The following CDH12 variants were observed in gnomAD, a reference collection of about 807,000 sequenced individuals.
The protein encoded by CDH12 is cadherin-12.
A neutral mutation model predicts 74.1 loss-of-function variants in CDH12; 41 were observed. That is an observed-to-expected ratio of 0.55 (90% CI 0.43 to 0.72). The LOEUF (loss-of-function observed/expected upper bound fraction) is 0.72. Ranked by LOEUF, CDH12 falls within the 30% of genes least tolerant of loss-of-function variation. The pLI is 0.00. For synonymous variants in CDH12, 399 were observed against 355.0 expected (o/e 1.12, Z -1.39); for missense variants, 945 against 977.2 (o/e 0.97, Z 0.44).
intron 3 of CDH12, among the ~76,000 whole-genome samples, chr5:22,324,612 T>C (rs981822491): frequency 1.3e-5 from 2 of 151,662 alleles, no homozygotes; most frequent in Non-Finnish European, 2.9e-5. Context: ...TATTTTATTA[T>C]TTTATAAAAT....
At chr5:22,345,412 TCTAAA>T (rs1288861504) in intron 3 of CDH12, among the ~76,000 whole-genome samples, 1 of 152,200 alleles carries the variant, frequency 6.6e-6, no homozygotes, top group African/African-American at 2.4e-5. Context: ...TATGCATTGT[TCTAAA>T]CTAAATAATT....
chr5:22,805,889 A>C (rs996454613), intron 1 of CDH12, among the ~76,000 whole-genome samples: 6 of 151,814 alleles, frequency 4.0e-5, no homozygotes, highest in African/African-American at 1.5e-4. Context: ...ACTCCCATTT[A>C]TGAGTGAGAA....
intron 1 of CDH12, among the ~76,000 whole-genome samples, chr5:22,752,017 T>C (rs1402874664): frequency 1.3e-5 from 2 of 152,296 alleles, no homozygotes; most frequent in African/African-American, 2.4e-5. Flanking sequence ...AGATGCCGTA[T>C]AGTTTAATTG....
intron 1 of CDH12, among the ~76,000 whole-genome samples, chr5:22,844,644 G>A (rs1737220688): frequency 6.6e-6 from 1 of 152,092 alleles, no homozygotes; most frequent in African/African-American, 2.4e-5. Context: ...GTGCATATGT[G>A]TCAAGTTCAA....
intron 5 of CDH12, among the ~76,000 whole-genome samples, chr5:22,048,821 G>A (rs1740145287): frequency 6.6e-6 from 1 of 151,964 alleles, no homozygotes; most frequent in Non-Finnish European, 1.5e-5. Context: ...TGCAGACAGA[G>A]TTAGTAATAA....
intron 1 of CDH12, among the ~76,000 whole-genome samples, chr5:22,548,683 C>T (rs1401799786): frequency 6.6e-6 from 1 of 151,964 alleles, no homozygotes; most frequent in Non-Finnish European, 1.5e-5. Flanking sequence ...ATCCGACCCA[C>T]CTATGGGATA....
intron 5 of CDH12, among the ~76,000 whole-genome samples, chr5:21,990,973 A>C (rs1757719892): frequency 6.6e-6 from 1 of 151,954 alleles, no homozygotes; most frequent in South Asian, 2.1e-4. Context: ...GAGAGAAAAA[A>C]ACCAAAAAAG....
At chr5:21,878,530 A>G (rs1752055490) in intron 6 of CDH12, among the ~76,000 whole-genome samples, 1 of 148,108 alleles carries the variant, frequency 6.8e-6, no homozygotes, top group Admixed American at 6.9e-5. Flanking sequence ...GGAGTTGCAG[A>G]CCAGCCAGGG....
At chr5:22,579,983 T>C (rs892046661) in intron 1 of CDH12, among the ~76,000 whole-genome samples, 3 of 152,184 alleles carry the variant, frequency 2.0e-5, no homozygotes, top group Non-Finnish European at 4.4e-5. Context: ...CTACATGCTC[T>C]GGCCTCAAAG....
intron 4 of CDH12, among the ~76,000 whole-genome samples, chr5:22,176,798 C>G (rs1403729757): frequency 1.3e-5 from 2 of 152,074 alleles, no homozygotes; most frequent in South Asian, 4.1e-4. Flanking sequence ...AACTCAGAGC[C>G]CTCATAGAGT....
At chr5:22,112,175 A>G (rs1423247922) in intron 4 of CDH12, among the ~76,000 whole-genome samples, 1 of 152,094 alleles carries the variant, frequency 6.6e-6, no homozygotes, top group African/African-American at 2.4e-5. Flanking sequence ...AAACACTTCA[A>G]CTTAACTGAA....
At chr5:22,350,298 A>G (rs920470992) in intron 3 of CDH12, among the ~76,000 whole-genome samples, 2 of 152,208 alleles carry the variant, frequency 1.3e-5, no homozygotes, top group African/African-American at 2.4e-5. Context: ...TAAATATTAT[A>G]GAAGCTACAA....
chr5:22,571,837 A>G (rs1045156788), intron 1 of CDH12, among the ~76,000 whole-genome samples: 3 of 152,186 alleles, frequency 2.0e-5, no homozygotes, highest in Admixed American at 6.6e-5. Flanking sequence ...TAAGTTTGCC[A>G]TACCGTGGGC....
intron 4 of CDH12, among the ~76,000 whole-genome samples, chr5:22,103,274 CTCTG>C (rs1197349416): frequency 2.0e-5 from 3 of 152,120 alleles, no homozygotes; most frequent in Admixed American, 1.3e-4. Context: ...TTCACCCTGG[CTCTG>C]TCTGTCTTAG....
chr5:22,515,516 A>G (rs919680442), intron 1 of CDH12, among the ~76,000 whole-genome samples: 4 of 152,078 alleles, frequency 2.6e-5, no homozygotes, highest in Non-Finnish European at 5.9e-5. Flanking sequence ...CATAGTTGAC[A>G]TTTTTAATTC....
At chr5:22,479,932 GCC>G (rs1490873021) in intron 2 of CDH12, among the ~76,000 whole-genome samples, 1 of 151,716 alleles carries the variant, frequency 6.6e-6, no homozygotes, top group African/African-American at 2.4e-5. Flanking sequence ...TTTGCCCCCA[GCC>G]CCCCAAAATT....
intron 1 of CDH12, among the ~76,000 whole-genome samples, chr5:22,548,786 A>G (rs955527243): frequency 6.6e-6 from 1 of 151,976 alleles, no homozygotes; most frequent in Non-Finnish European, 1.5e-5. Context: ...GTGGGTCTGA[A>G]CACAGTTTCT....
intron 2 of CDH12, among the ~76,000 whole-genome samples, chr5:22,452,260 C>T (rs971369720): frequency 6.6e-6 from 1 of 151,598 alleles, no homozygotes; most frequent in African/African-American, 2.4e-5. Flanking sequence ...CACAAGGAAC[C>T]AAAACAACCT....
intron 2 of CDH12, among the ~76,000 whole-genome samples, chr5:22,438,289 C>G (rs1190981970): frequency 6.6e-6 from 1 of 151,926 alleles, no homozygotes; most frequent in East Asian, 1.9e-4. Flanking sequence ...CATTTTTTCT[C>G]CTACAGAATG....
Sources: gnomAD v4.1 joint callset for allele counts (sites outside exome capture counted in the v4.1 genomes callset) on GRCh38, gnomAD v4.1.1 for gene constraint, MANE v1.5 for transcripts, NCBI Gene and HGNC (gene_info 2026-07-23, HGNC 2026-07-21) for gene names.